SAMTOR: variants seen among roughly 807,000 people sequenced by gnomAD.
The protein encoded by SAMTOR is UPF0532 protein C7orf60.
the SAMTOR span, chr7:112,939,734 C>T: frequency 3.1e-6 from 5 of 1,602,966 alleles, no homozygotes; most frequent in South Asian, 5.5e-5. Context: ...ATTTCGGCCG[C>T]CGGCCCCTGG....
the SAMTOR span, among the ~76,000 whole-genome samples, chr7:112,902,435 AAAAC>A: frequency 1.1e-4 from 12 of 111,376 alleles, 2 homozygotes; most frequent in East Asian, 9.5e-4. Context: ...AAAACAAAAA[AAAAC>A]AAAAAAAAAC....
At chr7:112,920,675 T>C in the SAMTOR span, among the ~76,000 whole-genome samples, 1 of 143,850 alleles carries the variant, frequency 7.0e-6, no homozygotes, top group Admixed American at 7.1e-5. Context: ...TGTTTGCAGA[T>C]GACATGATTG....
At chr7:112,844,380 T>C in the SAMTOR span, among the ~76,000 whole-genome samples, 1 of 152,046 alleles carries the variant, frequency 6.6e-6, no homozygotes, top group African/African-American at 2.4e-5. Flanking sequence ...TTAGAAAACA[T>C]CATGGTCTTG....
At chr7:112,875,911 G>A in the SAMTOR span, among the ~76,000 whole-genome samples, 34 of 152,118 alleles carry the variant, frequency 2.2e-4, no homozygotes, top group Non-Finnish European at 4.0e-4. Flanking sequence ...ACTGATTCAG[G>A]TTATGTTCCA....
chr7:112,915,372 T>C, the SAMTOR span: 1 of 1,613,712 alleles, frequency 6.2e-7, no homozygotes. Flanking sequence ...TGCCAAATTT[T>C]TCATTGCAAC....
At chr7:112,923,289 T>G in the SAMTOR span, among the ~76,000 whole-genome samples, 2 of 151,842 alleles carry the variant, frequency 1.3e-5, no homozygotes, top group East Asian at 1.9e-4. Context: ...GCATGCTCCT[T>G]AAGAGTCATC....
At chr7:112,830,711 A>C in the SAMTOR span, among the ~76,000 whole-genome samples, 3 of 152,190 alleles carry the variant, frequency 2.0e-5, no homozygotes, top group African/African-American at 7.2e-5. Flanking sequence ...TGGTTTTAGG[A>C]CTTGCTTGTT....
At chr7:112,841,175 G>C in the SAMTOR span, among the ~76,000 whole-genome samples, 2 of 152,048 alleles carry the variant, frequency 1.3e-5, no homozygotes, top group African/African-American at 2.4e-5. Context: ...TGTATATTTA[G>C]AAAACCCCAT....
At chr7:112,850,165 C>T in the SAMTOR span, among the ~76,000 whole-genome samples, 1 of 152,108 alleles carries the variant, frequency 6.6e-6, no homozygotes, top group African/African-American at 2.4e-5. Flanking sequence ...TGCGCCATTG[C>T]ACTCCAGCCT....
the SAMTOR span, among the ~76,000 whole-genome samples, chr7:112,916,730 A>G: frequency 1.3e-5 from 2 of 152,010 alleles, no homozygotes; most frequent in African/African-American, 4.8e-5. Flanking sequence ...AAATCGGGTC[A>G]CTCCCACCCT....
At chr7:112,869,271 C>T in the SAMTOR span, among the ~76,000 whole-genome samples, 6 of 152,072 alleles carry the variant, frequency 3.9e-5, no homozygotes, top group Non-Finnish European at 8.8e-5. Flanking sequence ...GCTGTGCAGG[C>T]CTCTCCAGCA....
chr7:112,900,965 T>C, the SAMTOR span, among the ~76,000 whole-genome samples: 6 of 152,198 alleles, frequency 3.9e-5, no homozygotes, highest in African/African-American at 1.4e-4. Flanking sequence ...AAAACCTAGA[T>C]GGCATTGGGT....
chr7:112,860,028 T>TA, the SAMTOR span, among the ~76,000 whole-genome samples: 1 of 152,222 alleles, frequency 6.6e-6, no homozygotes, highest in African/African-American at 2.4e-5. Context: ...CCATTCGTGG[T>TA]AAGTGCACTA....
At chr7:112,918,618 G>C in the SAMTOR span, among the ~76,000 whole-genome samples, 13 of 152,122 alleles carry the variant, frequency 8.5e-5, no homozygotes, top group African/African-American at 2.9e-4. Flanking sequence ...AAATGTAAAT[G>C]GACTAAATGC....
At chr7:112,834,764 C>T in the SAMTOR span, among the ~76,000 whole-genome samples, 6 of 152,062 alleles carry the variant, frequency 3.9e-5, no homozygotes, top group Admixed American at 6.6e-5. Flanking sequence ...TCCTGATGTA[C>T]GGTCAGAAGG....
At chr7:112,858,392 T>C in the SAMTOR span, among the ~76,000 whole-genome samples, 1 of 151,414 alleles carries the variant, frequency 6.6e-6, no homozygotes, top group Non-Finnish European at 1.5e-5. Context: ...AAAAACAGAA[T>C]ATAAATATAC....
At chr7:112,840,751 C>A in the SAMTOR span, among the ~76,000 whole-genome samples, 7 of 151,650 alleles carry the variant, frequency 4.6e-5, no homozygotes, top group African/African-American at 1.7e-4. Flanking sequence ...ATTCTTTTCT[C>A]TAAAATAGCA....
the SAMTOR span, among the ~76,000 whole-genome samples, chr7:112,834,083 TGTTGTTTTTGA>T: frequency 6.6e-6 from 1 of 152,236 alleles, no homozygotes; most frequent in Admixed American, 6.5e-5. Context: ...TTTCATTTGC[TGTTGTTTTTGA>T]GTTGTTTGTG....
chr7:112,896,359 C>A, the SAMTOR span, among the ~76,000 whole-genome samples: 1 of 152,256 alleles, frequency 6.6e-6, no homozygotes, highest in South Asian at 2.1e-4. Flanking sequence ...ACAGACATTG[C>A]TTGGTGAAGT....
Sources: allele counts gnomAD v4.1 joint callset (sites outside exome capture counted in the v4.1 genomes callset), GRCh38; gene constraint gnomAD v4.1.1; transcripts MANE v1.5; gene names NCBI Gene and HGNC (gene_info 2026-07-23, HGNC 2026-07-21).